Variants in ZFYVE19 observed in about 807,000 individuals in gnomAD.
The protein encoded by ZFYVE19 is abscission/NoCut checkpoint regulator.
A neutral mutation model predicts 62.8 loss-of-function variants in ZFYVE19; 49 were observed. The ratio of observed to expected loss-of-function variants is 0.78; its 90% CI spans 0.62 to 0.99. ZFYVE19 has a LOEUF of 0.99. Ranked by LOEUF, ZFYVE19 falls within the 50% of genes least tolerant of loss-of-function variation. ZFYVE19 has a pLI of 0.00. For missense variants in ZFYVE19, 630 were observed against 601.9 expected, an observed-to-expected ratio of 1.05 and a Z score of -0.49; for synonymous variants, 242 against 234.3, an observed-to-expected ratio of 1.03 and a Z score of -0.30.
Position 40,807,563 on chromosome 15 carries a change from G to A in ZFYVE19, c.-27G>A. 6.2e-7 allele frequency: 1 copy of A among 1,607,130 alleles called. No homozygotes were observed. Among genetic ancestry groups the A allele is most frequent in the Non-Finnish European group, 8.5e-7 (1 of 1,175,988 alleles). On this transcript the variant is annotated 5_prime_UTR_variant, in exon 1 of 11. Transcript: ENST00000355341. The stretch of plus-strand genomic sequence containing the variant: ...ATTGTGTTCTGGGTCAGGCTTGACT[G>A]ACTCTGAGGGAGGCCGGCAGTCGTG...
At chr15:40,813,445 C>CCTTGTCCCGTCTCCGCCTCATTGCCT (rs1566839297) in intron 8 of ZFYVE19, 28 bp downstream of exon 8, 1 of 1,574,702 alleles carries the variant, frequency 6.4e-7, no homozygotes. Flanking sequence ...ACCTGCCACC[C>CCTTGTCCCGTCTCCGCCTCATTGCCT]CTTGTCCCGT....
At chr15:40,813,302 TCCC>T (rs776159081) in intron 7 of ZFYVE19, 33 bp from the exon 8 acceptor site, 16 of 1,597,484 alleles carry the variant, frequency 1.0e-5, no homozygotes, top group Middle Eastern at 1.7e-4. Context: ...TCACTCTCAC[TCCC>T]CCATCCCCTG....
At chr15:40,808,969 T>TC in intron 1 of ZFYVE19, 150 bp from the exon 2 acceptor site, 1 of 959,924 alleles carries the variant, frequency 1.0e-6, no homozygotes, top group Non-Finnish European at 1.6e-6. Flanking sequence ...TTACTCACCA[T>TC]CCCTAGGCCT....
Position 40,814,166 on chromosome 15 carries a change from T to C in ZFYVE19, c.1356T>C (p.Phe452=). 6.2e-7 allele frequency: 1 copy of C among 1,614,198 alleles called. No homozygotes were observed. Among genetic ancestry groups the C allele is most frequent in the South Asian group, 1.1e-5 (1 of 91,088 alleles). ...ARCFREGHDA[F]ELKEHQTSAY... is the part of the protein sequence containing the mutation. ...TCCACAGAGAGGGCCATGATGCCTT[T>C]GAGCTTAAAGAGCACCAGACATCTG... is the stretch of plus-strand genomic sequence containing the variant. The change falls in exon 11 of 11, where the codon TTT becomes TTC. Residue 452 remains phenylalanine (F), a synonymous_variant. Coordinates refer to ENST00000355341, the MANE Select transcript of ZFYVE19 (RefSeq NM_001077268.2).
chr15:40,808,511 A>T, intron 1 of ZFYVE19: 1 of 1,349,316 alleles, frequency 7.4e-7, no homozygotes, highest in Non-Finnish European at 9.9e-7. Context: ...TCAGCGTTCA[A>T]ATCTGAGCTC....
In ZFYVE19 at chr15:40,814,400, C is replaced by A; in HGVS notation, c.*174C>A. The A allele has an allele frequency of 1.3e-6, 1 of 765,930 alleles. No homozygotes were observed. The highest frequency in any genetic ancestry group is 2.1e-6 in the Non-Finnish European group (1 of 483,702). 47.4% of individuals were successfully genotyped at this position (765,930 alleles called of 1,614,324 possible). A position where few individuals can be genotyped will look rare whatever the true frequency, so the allele number is the denominator to read the frequency against. On this transcript the variant is annotated 3_prime_UTR_variant, in exon 11 of 11. Transcript: ENST00000355341. Reference sequence around the variant, plus strand: ...AAAGATTCTCCATTCGAGAGAATGACTGGGAGGGAAGAAGTCGGGGCCCTC... The same window carrying A: ...AAAGATTCTCCATTCGAGAGAATGAATGGGAGGGAAGAAGTCGGGGCCCTC...
rs1194181140 is a variant in ZFYVE19, at chr15:40,807,729, G to C, written c.140G>C (p.Gly47Ala). 6.3e-7 allele frequency: 1 copy of C among 1,598,298 alleles called. No individual in the cohort carries two copies. Among genetic ancestry groups the C allele is most frequent in the Non-Finnish European group, 8.5e-7 (1 of 1,174,360 alleles). ...GGCGGGGCAGGGCAGGGAAGGGAAG[G>C]GCGGAGCTGGGGTGAGGGTCCAAGG... The part of the protein sequence containing the change: ...VWGGAGQGRE[G>A]RSWGEGPRGP... The change falls in exon 1 of 11, where the codon GGG becomes GCG. Residue 47 changes from glycine (G) to alanine (A), a missense_variant. By Grantham distance (60) the Gly-to-Ala change is moderately conservative. Transcript: ENST00000355341.
In ZFYVE19 at chr15:40,807,672, G is replaced by A. The variant is rs1404771651; in HGVS notation, c.83G>A (p.Gly28Asp). The A allele has an allele frequency of 6.2e-7, 1 of 1,611,306 alleles. No individual in the cohort carries two copies. Among genetic ancestry groups the A allele is most frequent in the Admixed American group, 1.7e-5 (1 of 59,800 alleles). Residue 28 changes from glycine (G) to aspartate (D), a missense_variant, in exon 1 of 11, where the codon GGT becomes GAT. Transcript: ENST00000355341. Reference protein sequence around the residue: ...CRRASGFPALGRGGTVPVGVW... With the variant: ...CRRASGFPALDRGGTVPVGVW... ...AGAGCGTCCGGATTCCCTGCTCTAGGTCGCGGCGGGACAGTGCCAGTGGGC... is the reference window on the plus strand; with the variant it reads ...AGAGCGTCCGGATTCCCTGCTCTAGATCGCGGCGGGACAGTGCCAGTGGGC...
In ZFYVE19 at chr15:40,810,141, C is replaced by G; in HGVS notation, c.642C>G (p.Ile214Met). Residue 214 changes from isoleucine (I) to methionine (M), a missense_variant, in exon 5 of 11, where the codon ATC (isoleucine) becomes ATG (methionine). Physicochemically the swap from Ile to Met is conservative, Grantham distance 10 (BLOSUM62 1). Transcript: ENST00000355341. ...AALKDERQGS[I>M]PSTQEMEARL... ...TAAAGGATGAACGTCAGGGTTCCAT[C>G]CCTTCCACCCAGGAAATGGAGGCAC... 6.2e-7 allele frequency: 1 copy of G among 1,614,148 alleles called. No individual in the cohort carries two copies. Among genetic ancestry groups the G allele is most frequent in the South Asian group, 1.1e-5 (1 of 91,080 alleles).
chr15:40,809,055 A>T (rs772738181), intron 1 of ZFYVE19, 64 bp from the exon 2 acceptor site: 122 of 1,593,632 alleles, frequency 7.7e-5, no homozygotes, highest in Non-Finnish European at 9.4e-5. Context: ...GTGCTTGGAG[A>T]GTCCCTGGGA....
chr15:40,808,569 C>T (rs1890359041), intron 1 of ZFYVE19: 1 of 618,618 alleles, frequency 1.6e-6, no homozygotes, highest in African/African-American at 1.9e-5. Context: ...GTTATGTAAC[C>T]TCTCTGGCCC....
intron 5 of ZFYVE19, 114 bp from the exon 6 acceptor site, chr15:40,810,535 G>A (rs1890452014): frequency 1.4e-6 from 2 of 1,478,820 alleles, no homozygotes; most frequent in African/African-American, 1.4e-5. Flanking sequence ...TGATTATGTG[G>A]GCCCTGGATC....
chr15:40,809,413 C>T lies in ZFYVE19; in HGVS notation c.407C>T (p.Ser136Phe), dbSNP rs765680681. ...ACTAGATTTCTTCTCTGTAGAGGGTCTTCTGCCAATGCCTCCAAGTGGTCA... is the reference window on the plus strand; with the variant it reads ...ACTAGATTTCTTCTCTGTAGAGGGTTTTCTGCCAATGCCTCCAAGTGGTCA... Reference protein sequence around the residue: ...KQCHEVLTRGSSANASKWSPP... With the variant: ...KQCHEVLTRGFSANASKWSPP... The change falls in exon 3 of 11, where the codon TCT becomes TTT. Residue 136 changes from serine to phenylalanine, a missense_variant. Ser to Phe is a radical substitution (Grantham distance 155, BLOSUM62 -2). Coordinates refer to ENST00000355341, the MANE Select transcript of ZFYVE19 (RefSeq NM_001077268.2). The T allele has an allele frequency of 9.9e-6, 16 of 1,614,036 alleles. No individual in the cohort carries two copies. The highest frequency in any genetic ancestry group is 1.4e-5 in the Non-Finnish European group (16 of 1,180,042).
rs200306997 is a variant in ZFYVE19 at position 40,813,777 on chromosome 15, G to C, written c.1175G>C (p.Arg392Pro). 1 of 1,614,040 alleles carries C rather than the reference G, an allele frequency of 6.2e-7. No individual in the cohort carries two copies. Among genetic ancestry groups the C allele is most frequent in the Non-Finnish European group, 8.5e-7 (1 of 1,180,002 alleles). Residue 392 changes from arginine to proline, a missense_variant, in exon 9 of 11, where the codon CGA (arginine) becomes CCA (proline). Transcript: ENST00000355341. Reference sequence around the variant, plus strand: ...AACATCCCTGCAGAGCAGGCTTCTCGACCCTGGACGCAACCCCGCGGGGCA... The same window carrying C: ...AACATCCCTGCAGAGCAGGCTTCTCCACCCTGGACGCAACCCCGCGGGGCA... ...GFNIPAEQASRPWTQPRGAEP... is the reference protein window; with the variant it reads ...GFNIPAEQASPPWTQPRGAEP...
intron 1 of ZFYVE19, chr15:40,808,537 G>A: frequency 1.8e-6 from 2 of 1,120,702 alleles, no homozygotes; most frequent in Non-Finnish European, 2.4e-6. Flanking sequence ...TCTTATTGAG[G>A]CGGTGACCTT....
intron 9 of ZFYVE19, 37 bp from the exon 10 acceptor site, chr15:40,813,906 G>A: frequency 6.3e-7 from 1 of 1,592,400 alleles, no homozygotes; most frequent in Non-Finnish European, 8.6e-7. Context: ...ACCCCACTGG[G>A]TACCTTACTT....
chr15:40,810,618 G>T, intron 5 of ZFYVE19, 31 bp from the exon 6 acceptor site: 1 of 1,552,164 alleles, frequency 6.4e-7, no homozygotes, highest in Non-Finnish European at 8.7e-7. Context: ...GGCTACCCCT[G>T]CTCTCCACTG....
At position 40,807,130 on chromosome 15, in the gene ZFYVE19, C is replaced by A; in HGVS notation, c.-460C>A. ...CCCCGCGGCCTCTAGGAGACAGGGG[C>A]CACGGGGAGAGCACAGCCACCCGGC... On this transcript the variant is annotated 5_prime_UTR_variant, in exon 1 of 11. Coordinates refer to ENST00000355341, the MANE Select transcript of ZFYVE19 (RefSeq NM_001077268.2). 2.0e-6 allele frequency: 2 copies of A among 1,008,058 alleles called. No individual in the cohort carries two copies. Among genetic ancestry groups the A allele is most frequent in the Non-Finnish European group, 2.8e-6 (2 of 708,872 alleles). The allele number at this position is 1,008,058 out of a possible 1,614,324, so 62.4% of individuals were successfully genotyped here.
chr15:40,812,956 G>T, intron 7 of ZFYVE19, 54 bp downstream of exon 7: 2 of 1,586,116 alleles, frequency 1.3e-6, no homozygotes, highest in Non-Finnish European at 1.7e-6. Flanking sequence ...GGCCTCCCTG[G>T]CAGGGCTGAG....
Sources: gnomAD v4.1 joint callset for allele counts on GRCh38, gnomAD v4.1.1 for gene constraint, MANE v1.5 for transcripts, NCBI Gene and HGNC (gene_info 2026-07-23, HGNC 2026-07-21) for gene names.